HLA-DRB1: variants seen among roughly 807,000 people sequenced by gnomAD.
HLA-DRB1 encodes major histocompatibility complex, class II, DR beta 1.
In HLA-DRB1, 10 loss-of-function variants were observed where a neutral mutation model predicts 27.9. That is an observed-to-expected ratio of 0.36 (90% CI 0.22 to 0.61). The LOEUF (loss-of-function observed/expected upper bound fraction) is 0.61, where lower values mean the gene tolerates loss of function less well. HLA-DRB1 is among the 20% of genes least tolerant of loss of function. The pLI is 0.73. For missense variants in HLA-DRB1, 118 were observed against 306.3 expected (o/e 0.39, Z 4.59); for synonymous variants, 57 against 126.7 (o/e 0.45, Z 3.69).
chr6:32,580,180 T>C, intron 5 of HLA-DRB1, 67 bp downstream of exon 5: 1 of 517,560 alleles, frequency 1.9e-6, no homozygotes, highest in Admixed American at 4.5e-5. Flanking sequence ...CACCCAGAAG[T>C]CCAGCTGGCT....
chr6:32,586,485 T>G (rs1263383655), intron 1 of HLA-DRB1, among the ~76,000 whole-genome samples: 1 of 77,764 alleles, frequency 1.3e-5, no homozygotes, highest in Non-Finnish European at 2.5e-5. Flanking sequence ...TTCCTGGACT[T>G]ACACACATGA....
intron 1 of HLA-DRB1, among the ~76,000 whole-genome samples, chr6:32,589,430 A>ACC (rs1415773421): frequency 0.052 from 3,757 of 72,008 alleles, 1 homozygote; most frequent in Admixed American, 0.069. Flanking sequence ...AAAAGAAATG[A>ACC]TTTGTGCAAA....
intron 1 of HLA-DRB1, among the ~76,000 whole-genome samples, chr6:32,586,308 C>T (rs34017414): frequency 0.27 from 19,852 of 74,264 alleles, 5,386 homozygotes; most frequent in Admixed American, 0.33. Context: ...CACTTTTACT[C>T]ACTCTTCAAA....
intron 1 of HLA-DRB1, among the ~76,000 whole-genome samples, chr6:32,587,814 C>T (rs796899003): frequency 0.067 from 4,669 of 69,436 alleles, 303 homozygotes; most frequent in Middle Eastern, 0.095. Flanking sequence ...GGGTTAGTGT[C>T]TGTCTCCTCT....
intron 1 of HLA-DRB1, 96 bp from the exon 2 acceptor site, chr6:32,584,474 G>C (rs9269968): frequency 1.6e-6 from 1 of 633,130 alleles, no homozygotes. Flanking sequence ...GGGTGCGGGC[G>C]CTGGAACCTT....
intron 4 of HLA-DRB1, 29 bp from the exon 5 acceptor site, chr6:32,580,299 TA>T: frequency 1.1e-6 from 1 of 931,314 alleles, no homozygotes; most frequent in Non-Finnish European, 1.6e-6. Flanking sequence ...GATATACACT[TA>T]AAAGTTATTG....
chr6:32,589,430 A>AC (rs1415773421), intron 1 of HLA-DRB1, among the ~76,000 whole-genome samples: 1 of 74,228 alleles, frequency 1.3e-5, no homozygotes, highest in African/African-American at 5.8e-5. Context: ...AAAAGAAATG[A>AC]TTTGTGCAAA....
intron 3 of HLA-DRB1, among the ~76,000 whole-genome samples, chr6:32,581,286 C>CCACAGACAGCAGG (rs1775432837): frequency 3.1e-5 from 2 of 64,320 alleles, no homozygotes; most frequent in East Asian, 4.0e-4. Context: ...GGCCTGGAGC[C>CCACAGACAGCAGG]TGGGAGAGTG....
intron 1 of HLA-DRB1, among the ~76,000 whole-genome samples, chr6:32,584,724 C>T (rs9269982): frequency 1.2e-5 from 1 of 85,178 alleles, no homozygotes. Context: ...ACTCTCTGCT[C>T]CTCTCATCCC....
intron 1 of HLA-DRB1, among the ~76,000 whole-genome samples, 190 bp from the exon 2 acceptor site, chr6:32,584,568 CCA>C (rs1776106367): frequency 6.7e-6 from 1 of 149,344 alleles, no homozygotes; most frequent in Admixed American, 6.7e-5. Flanking sequence ...GCCTGGGGGA[CCA>C]TGCGGGAAAA....
intron 1 of HLA-DRB1, among the ~76,000 whole-genome samples, chr6:32,585,113 T>C (rs145342848): frequency 0.016 from 1,603 of 101,444 alleles, 98 homozygotes; most frequent in African/African-American, 0.046. Context: ...AGTGATTTAA[T>C]ACTTCCTTGT....
chr6:32,581,964 A>T (rs2150766896), intron 2 of HLA-DRB1, 126 bp from the exon 3 acceptor site: 1 of 589,352 alleles, frequency 1.7e-6, no homozygotes, highest in Admixed American at 3.2e-5. Context: ...ACAGCTGGCC[A>T]TGTGACCTTA....
intron 4 of HLA-DRB1, among the ~76,000 whole-genome samples, chr6:32,580,537 T>C (rs1775279438): frequency 1.6e-5 from 2 of 123,064 alleles, no homozygotes; most frequent in South Asian, 5.3e-4. Flanking sequence ...CTTGTTAACC[T>C]TCCTCTCGTC....
At chr6:32,586,472 A>G (rs113134152) in intron 1 of HLA-DRB1, among the ~76,000 whole-genome samples, 23,134 of 68,012 alleles carry the variant, frequency 0.34, 3,663 homozygotes, top group Admixed American at 0.37. Flanking sequence ...AAAATAATCT[A>G]TTTTCCTGGA....
rs34551973 is a variant in HLA-DRB1 at position 32,579,329 on chromosome 6, T to C, written c.788-225A>G. On this transcript the variant is annotated intron_variant, in intron 5 of 5. Coordinates refer to ENST00000360004, the Ensembl canonical transcript of HLA-DRB1. Reference sequence around the variant, plus strand: ...TTTGGATCCAAAGTCTTTCCTATTATTTCTGTCTCATGCCTTATCACCTCT... The same window carrying C: ...TTTGGATCCAAAGTCTTTCCTATTACTTCTGTCTCATGCCTTATCACCTCT... Among the ~76,000 whole-genome samples the C allele has an allele frequency of 4.8e-3, 420 of 87,764 alleles. 27 individuals carry two copies. Among genetic ancestry groups the C allele is most frequent in the South Asian group, 0.018 (47 of 2,546 alleles). 57.6% of individuals were successfully genotyped at this position (87,764 alleles called of 152,430 possible). A position where few individuals can be genotyped will look rare whatever the true frequency, so the allele number is the denominator to read the frequency against.
At chr6:32,584,071 C>G in intron 2 of HLA-DRB1, 38 bp downstream of exon 2, 1 of 718,798 alleles carries the variant, frequency 1.4e-6, no homozygotes. Context: ...AGATTCCCAG[C>G]TCACGGGGAC....
chr6:32,580,393 A>G (rs1775255203), intron 4 of HLA-DRB1, 123 bp from the exon 5 acceptor site: 3 of 495,402 alleles, frequency 6.1e-6, no homozygotes, highest in South Asian at 2.3e-5. Flanking sequence ...CACACCAACC[A>G]GGGCAGAAAG....
chr6:32,588,047 T>C (rs35392176), intron 1 of HLA-DRB1, among the ~76,000 whole-genome samples: 9,163 of 134,184 alleles, frequency 0.068, 11 homozygotes, highest in Admixed American at 0.12. Flanking sequence ...CTAGACCCCT[T>C]CTCCTCCCAG....
chr6:32,581,404 C>CAGTAT (rs1775464831), intron 3 of HLA-DRB1, among the ~76,000 whole-genome samples, 153 bp downstream of exon 3: 1 of 50,548 alleles, frequency 2.0e-5, no homozygotes, highest in East Asian at 5.7e-4. Flanking sequence ...CTAGAAACAC[C>CAGTAT]TACAGGGCTA....
Sources: allele counts gnomAD v4.1 joint callset (sites outside exome capture counted in the v4.1 genomes callset), GRCh38; gene constraint gnomAD v4.1.1; transcripts MANE v1.5; gene names NCBI Gene and HGNC (gene_info 2026-07-23, HGNC 2026-07-21).